Variants in APBA2 observed in about 807,000 individuals in gnomAD.
APBA2 encodes amyloid beta precursor protein binding family A member 2.
In APBA2, 30 loss-of-function variants were observed where a neutral mutation model predicts 75.0. The observed-to-expected ratio is 0.40, with a 90% CI of 0.30 to 0.54. The LOEUF is 0.54. Ranked by LOEUF, APBA2 falls within the 20% of genes least tolerant of loss-of-function variation. The pLI, the probability that APBA2 is intolerant of heterozygous loss-of-function variation, is 0.49. For synonymous variants in APBA2, 444 were observed against 409.6 expected (o/e 1.08, Z -1.01); for missense variants, 801 against 1,016.1 (o/e 0.79, Z 2.88).
At chr15:29,090,570 G>T (rs2043512003) in intron 6 of APBA2, among the ~76,000 whole-genome samples, 1 of 152,184 alleles carries the variant, frequency 6.6e-6, no homozygotes, top group South Asian at 2.1e-4. Flanking sequence ...GGCTGACAGG[G>T]TGCCAGGCAG....
chr15:29,107,077 A>G (rs1234894862), intron 12 of APBA2, among the ~76,000 whole-genome samples: 3 of 152,182 alleles, frequency 2.0e-5, no homozygotes, highest in African/African-American at 4.8e-5. Flanking sequence ...GTACCGAGCC[A>G]TGTGGCCCTG....
At chr15:29,056,080 G>A (rs542915114) in intron 4 of APBA2, among the ~76,000 whole-genome samples, 106 of 152,204 alleles carry the variant, frequency 7.0e-4, no homozygotes, top group Non-Finnish European at 1.1e-3. Context: ...CGTGGGCTGT[G>A]CAGAGCGTGT....
intron 3 of APBA2, among the ~76,000 whole-genome samples, chr15:29,045,678 A>C (rs2041288892): frequency 6.6e-6 from 1 of 152,196 alleles, no homozygotes; most frequent in African/African-American, 2.4e-5. Context: ...TCGGCTATGC[A>C]AAAGAGATGC....
chr15:28,888,332 A>G (rs2031892680), intron 1 of APBA2, among the ~76,000 whole-genome samples: 1 of 152,224 alleles, frequency 6.6e-6, no homozygotes. Context: ...TTTTTCCTAG[A>G]CAAAACTGAG....
chr15:29,036,859 A>C (rs1566932351), intron 3 of APBA2, among the ~76,000 whole-genome samples: 1 of 152,064 alleles, frequency 6.6e-6, no homozygotes, highest in Non-Finnish European at 1.5e-5. Flanking sequence ...GTTTCTATAA[A>C]AAATACAAAA....
At chr15:29,030,890 G>A (rs2040457511) in intron 3 of APBA2, among the ~76,000 whole-genome samples, 1 of 151,626 alleles carries the variant, frequency 6.6e-6, no homozygotes, top group Non-Finnish European at 1.5e-5. Context: ...TATGAATGTG[G>A]CTATTAATTT....
intron 5 of APBA2, 24 bp downstream of exon 5, chr15:29,075,025 T>C (rs1002365473): frequency 6.4e-7 from 1 of 1,571,210 alleles, no homozygotes; most frequent in Non-Finnish European, 8.7e-7. Flanking sequence ...AGGATGAGAG[T>C]TCTGGGCTGG....
At chr15:28,995,594 T>C (rs2038475427) in intron 2 of APBA2, among the ~76,000 whole-genome samples, 159 bp from the exon 3 acceptor site, 1 of 152,224 alleles carries the variant, frequency 6.6e-6, no homozygotes, top group Admixed American at 6.5e-5. Context: ...TTGTTTAGGG[T>C]AATTTCTGAT....
chr15:29,085,883 G>T (rs2043271009), intron 6 of APBA2, among the ~76,000 whole-genome samples: 1 of 152,154 alleles, frequency 6.6e-6, no homozygotes, highest in Non-Finnish European at 1.5e-5. Flanking sequence ...TAGATTTGGT[G>T]AGAGTGTATA....
At chr15:28,999,890 G>C (rs531578993) in intron 3 of APBA2, among the ~76,000 whole-genome samples, 1 of 152,310 alleles carries the variant, frequency 6.6e-6, no homozygotes, top group East Asian at 1.9e-4. Context: ...CAAAGGCCTG[G>C]AAAGCAGAGA....
intron 3 of APBA2, among the ~76,000 whole-genome samples, chr15:29,037,426 G>C (rs2152855942): frequency 6.6e-6 from 1 of 152,286 alleles, no homozygotes; most frequent in Non-Finnish European, 1.5e-5. Flanking sequence ...AGGATGATGT[G>C]AATCATCGTG....
chr15:29,094,895 CA>C (rs1370217801), intron 8 of APBA2, among the ~76,000 whole-genome samples: 1 of 59,828 alleles, frequency 1.7e-5, no homozygotes, highest in Non-Finnish European at 5.5e-5. Context: ...ACCCTGTCTC[CA>C]CAACTTTTTT....
chr15:28,935,585 C>T (rs1849982058), intron 2 of APBA2, among the ~76,000 whole-genome samples: 2 of 152,138 alleles, frequency 1.3e-5, no homozygotes, highest in African/African-American at 4.8e-5. Flanking sequence ...AGGGTTGCAG[C>T]GCCCAGCCTA....
intron 2 of APBA2, among the ~76,000 whole-genome samples, chr15:28,986,742 C>T (rs566255817): frequency 1.7e-3 from 254 of 152,342 alleles, no homozygotes; most frequent in African/African-American, 6.0e-3. Flanking sequence ...GTTCGGATTA[C>T]AGGCATGAGC....
intron 13 of APBA2, among the ~76,000 whole-genome samples, chr15:29,113,145 G>T (rs551422991): frequency 1.3e-5 from 2 of 152,058 alleles, no homozygotes; most frequent in Non-Finnish European, 2.9e-5. Context: ...CTGTGAACAC[G>T]GGTGTGCACG....
At chr15:28,944,737 A>G (rs1000235449) in intron 2 of APBA2, among the ~76,000 whole-genome samples, 1 of 152,214 alleles carries the variant, frequency 6.6e-6, no homozygotes, top group Non-Finnish European at 1.5e-5. Context: ...CCTCCACTTC[A>G]GACTTCAGTG....
chr15:28,958,054 A>C (rs2036268758), intron 2 of APBA2, among the ~76,000 whole-genome samples: 1 of 152,196 alleles, frequency 6.6e-6, no homozygotes, highest in Non-Finnish European at 1.5e-5. Context: ...CAGCACTTGC[A>C]CTGCCCAGTA....
At chr15:28,933,673 G>C (rs985708272) in intron 2 of APBA2, among the ~76,000 whole-genome samples, 4 of 152,212 alleles carry the variant, frequency 2.6e-5, no homozygotes, top group African/African-American at 9.6e-5. Flanking sequence ...CTCGACCTGA[G>C]GTTTTATTGG....
rs1405413993 is a variant in APBA2, at chr15:29,117,440, G to A, written c.*307G>A. The A allele has an allele frequency of 2.2e-6, 1 of 462,594 alleles. No homozygotes were observed. Among genetic ancestry groups the A allele is most frequent in the Non-Finnish European group, 4.0e-6 (1 of 251,616 alleles). 28.7% of individuals were successfully genotyped at this position (462,594 alleles called of 1,614,324 possible). A position where few individuals can be genotyped will look rare whatever the true frequency, so the allele number is the denominator to read the frequency against. On this transcript the variant is annotated 3_prime_UTR_variant, in exon 15 of 15. Transcript: ENST00000683413. ...TCTCGGTAGCTGTGCGTGGTGTGGA[G>A]TGTGTGTCTTTCCTCCCTGAAGCTG... is the stretch of plus-strand genomic sequence containing the variant.
Sources: gnomAD v4.1 joint callset for allele counts (sites outside exome capture counted in the v4.1 genomes callset) on GRCh38, gnomAD v4.1.1 for gene constraint, MANE v1.5 for transcripts, NCBI Gene and HGNC (gene_info 2026-07-23, HGNC 2026-07-21) for gene names.